Variants in KIF26B observed in about 807,000 individuals in gnomAD.
KIF26B encodes kinesin family member 26B, also known as kinesin-like protein KIF26B.
In KIF26B, 63 loss-of-function variants were observed where a neutral mutation model predicts 151.2. That is an observed-to-expected ratio of 0.42 (90% confidence interval 0.34 to 0.51). The LOEUF (loss-of-function observed/expected upper bound fraction) is 0.51. KIF26B is among the 20% of genes least tolerant of loss of function. The pLI is 0.07. For missense variants in KIF26B, 2,813 were observed against 2,913.6 expected, an observed-to-expected ratio of 0.97 and a Z score of 0.79; for synonymous variants, 1,357 against 1,262.1, an observed-to-expected ratio of 1.08 and a Z score of -1.59.
intron 5 of KIF26B, among the ~76,000 whole-genome samples, chr1:245,562,508 C>T (rs763741675): frequency 1.3e-4 from 19 of 151,992 alleles, no homozygotes; most frequent in Non-Finnish European, 2.5e-4. Flanking sequence ...ACACCGATTT[C>T]CCCACTGTCT....
chr1:245,638,311 C>A (rs1448335530), intron 9 of KIF26B, among the ~76,000 whole-genome samples: 2 of 151,868 alleles, frequency 1.3e-5, no homozygotes, highest in East Asian at 1.9e-4. Flanking sequence ...AAATGTTACA[C>A]ATTTTGCGTG....
At chr1:245,417,177 T>C (rs1412953457) in intron 3 of KIF26B, among the ~76,000 whole-genome samples, 1 of 152,216 alleles carries the variant, frequency 6.6e-6, no homozygotes, top group Admixed American at 6.5e-5. Flanking sequence ...TTTGTTTTTT[T>C]TTAGAAAATA....
Position 245,684,283 on chromosome 1 carries a change from G to A in KIF26B, c.2309G>A (p.Cys770Tyr). ...LLRESLGNMN[C>Y]RTTMIAHISA... Reference sequence around the variant, plus strand: ...CGGGAGTCTCTGGGGAACATGAACTGCCGTACCACCATGATCGCGCACATC... The same window carrying A: ...CGGGAGTCTCTGGGGAACATGAACTACCGTACCACCATGATCGCGCACATC... The change falls in exon 11 of 15, where the codon TGC becomes TAC. Residue 770 changes from cysteine (C) to tyrosine (Y), a missense_variant. This residue lies in a region of KIF26B where 2,060 missense variants were observed against 2,088.6 expected (regional missense o/e 0.99). Transcript: ENST00000407071. 1 of 1,613,962 alleles carries A rather than the reference G, an allele frequency of 6.2e-7. No individual in the cohort carries two copies. The highest frequency in any genetic ancestry group is 8.5e-7 in the Non-Finnish European group (1 of 1,179,864).
intron 10 of KIF26B, among the ~76,000 whole-genome samples, chr1:245,679,078 G>A (rs1035203551): frequency 2.6e-4 from 39 of 152,100 alleles, no homozygotes; most frequent in African/African-American, 9.4e-4. Flanking sequence ...TAGAGCAGAG[G>A]TCAACAAACT....
intron 2 of KIF26B, among the ~76,000 whole-genome samples, chr1:245,192,521 A>G (rs1374330517): frequency 6.6e-6 from 1 of 152,242 alleles, no homozygotes; most frequent in Non-Finnish European, 1.5e-5. Flanking sequence ...AGAATTTATT[A>G]TATAAATCAT....
intron 4 of KIF26B, among the ~76,000 whole-genome samples, chr1:245,440,725 T>C (rs1294486625): frequency 1.3e-5 from 2 of 152,238 alleles, no homozygotes. Flanking sequence ...TCTACATCAT[T>C]TTTTAAAGCG....
chr1:245,701,907 C>G lies in KIF26B; in HGVS notation c.6179-551C>G, dbSNP rs142246229. Among the ~76,000 whole-genome samples, 424 of 152,302 alleles carry G rather than the reference C, an allele frequency of 2.8e-3. 2 individuals carry two copies. Among genetic ancestry groups the G allele is most frequent in the African/African-American group, 9.5e-3 (397 of 41,574 alleles). On this transcript the variant is annotated intron_variant, in intron 14 of 14. Transcript: ENST00000407071. ...GGCCACCTCTGGACAAAGCAGGGGA[C>G]TTGATGCCAGAGGGGTTGATCCCAG...
chr1:245,525,756 C>T (rs1027432309), intron 4 of KIF26B, among the ~76,000 whole-genome samples: 3 of 152,126 alleles, frequency 2.0e-5, no homozygotes, highest in African/African-American at 7.2e-5. Flanking sequence ...GAAGCGCCAT[C>T]AAAACATAAA....
intron 2 of KIF26B, among the ~76,000 whole-genome samples, chr1:245,288,245 TCA>T (rs1052306552): frequency 2.0e-5 from 3 of 152,264 alleles, no homozygotes; most frequent in African/African-American, 7.2e-5. Flanking sequence ...AAACATGATT[TCA>T]CACACAGCAG....
intron 2 of KIF26B, among the ~76,000 whole-genome samples, chr1:245,240,602 A>G (rs1360877181): frequency 2.6e-5 from 4 of 152,192 alleles, no homozygotes; most frequent in African/African-American, 9.7e-5. Flanking sequence ...AAATTTCAAA[A>G]AGGTAGGAGG....
chr1:245,404,560 T>C (rs1055215549), intron 3 of KIF26B, among the ~76,000 whole-genome samples: 8 of 152,194 alleles, frequency 5.3e-5, no homozygotes, highest in African/African-American at 1.7e-4. Context: ...GTGGAAAGTA[T>C]AGCCAAGCTT....
intron 10 of KIF26B, among the ~76,000 whole-genome samples, chr1:245,673,464 G>C (rs1465624511): frequency 6.6e-6 from 1 of 152,268 alleles, no homozygotes; most frequent in Non-Finnish European, 1.5e-5. Flanking sequence ...TTAGGGTTTT[G>C]CTTAGGGGGC....
At chr1:245,439,746 G>A (rs563114) in intron 4 of KIF26B, among the ~76,000 whole-genome samples, 117,715 of 152,142 alleles carry the variant, frequency 0.77, 45,740 homozygotes, top group East Asian at 0.95. Flanking sequence ...TGGAGAAACT[G>A]TTTATAATTG....
chr1:245,517,011 A>G (rs1294032219), intron 4 of KIF26B, among the ~76,000 whole-genome samples: 2 of 152,170 alleles, frequency 1.3e-5, no homozygotes, highest in African/African-American at 4.8e-5. Flanking sequence ...TTAATTAGTA[A>G]GTGTAGGCAA....
chr1:245,600,298 A>G (rs1200978151), intron 5 of KIF26B, among the ~76,000 whole-genome samples: 1 of 142,588 alleles, frequency 7.0e-6, no homozygotes, highest in Non-Finnish European at 1.5e-5. Flanking sequence ...TCGGCCTCCC[A>G]AAGTGCTGGG....
Position 245,489,873 on chromosome 1 carries a change from C to A in KIF26B, c.1167-50894C>A, listed in dbSNP as rs114961078. On this transcript the variant is annotated intron_variant, in intron 4 of 14. Transcript: ENST00000407071. Reference sequence around the variant, plus strand: ...TGGAACTTTGCTGAGAACTTTATACCAATTATCTGAGTTTTACAGAAACAT... The same window carrying A: ...TGGAACTTTGCTGAGAACTTTATACAAATTATCTGAGTTTTACAGAAACAT... Among the ~76,000 whole-genome samples, 335 of 152,208 alleles carry A rather than the reference C, an allele frequency of 2.2e-3. 1 individual carries two copies. The highest frequency in any genetic ancestry group is 3.8e-3 in the Non-Finnish European group (260 of 68,018).
chr1:245,348,981 C>T (rs960850611), intron 2 of KIF26B, among the ~76,000 whole-genome samples: 5 of 152,156 alleles, frequency 3.3e-5, no homozygotes, highest in African/African-American at 1.2e-4. Context: ...ACACAAAGTC[C>T]CTTTTCCCAT....
At chr1:245,411,193 C>T (rs1383787225) in intron 3 of KIF26B, among the ~76,000 whole-genome samples, 1 of 152,208 alleles carries the variant, frequency 6.6e-6, no homozygotes, top group Non-Finnish European at 1.5e-5. Flanking sequence ...ATGACACTGC[C>T]ACAGTAGGCC....
intron 3 of KIF26B, among the ~76,000 whole-genome samples, chr1:245,381,826 ACTT>A (rs1673418021): frequency 7.8e-6 from 1 of 128,622 alleles, no homozygotes; most frequent in Admixed American, 8.8e-5. Flanking sequence ...ATCACACAGA[ACTT>A]CTTCTCTGGT....
Sources: gnomAD v4.1 joint callset for allele counts (sites outside exome capture counted in the v4.1 genomes callset) on GRCh38, gnomAD v4.1.1 for gene constraint, gnomAD v4.1.1 regional missense constraint, MANE v1.5 for transcripts, NCBI Gene and HGNC (gene_info 2026-07-23, HGNC 2026-07-21) for gene names.